MED12L: variants seen among roughly 807,000 people sequenced by gnomAD.
MED12L encodes the protein mediator of RNA polymerase II transcription subunit 12-like protein.
MED12L carries 60 observed loss-of-function variants against 281.3 expected under a neutral mutation model. The observed-to-expected ratio is 0.21, with a 90% CI of 0.17 to 0.26. The LOEUF (loss-of-function observed/expected upper bound fraction) is 0.26, where lower values mean the gene tolerates loss of function less well. MED12L is among the 10% of genes least tolerant of loss of function. The probability of loss-of-function intolerance (pLI) is 1.00; values close to 1 mark genes in which losing one functional copy is unlikely to be tolerated. For missense variants in MED12L, 2,146 were observed against 2,680.9 expected, an observed-to-expected ratio of 0.80 and a Z score of 4.41; for synonymous variants, 974 against 987.2, an observed-to-expected ratio of 0.99 and a Z score of 0.25.
chr3:151,269,198 C>T (rs1221589862), intron 16 of MED12L, among the ~76,000 whole-genome samples: 2 of 152,112 alleles, frequency 1.3e-5, no homozygotes, highest in African/African-American at 4.8e-5. Flanking sequence ...GTCGGGAGTT[C>T]GAGACCAGCC....
At chr3:151,342,730 G>T (rs1181718543) in intron 16 of MED12L, among the ~76,000 whole-genome samples, 1 of 152,054 alleles carries the variant, frequency 6.6e-6, no homozygotes. Flanking sequence ...TCTTGGAAAG[G>T]GTTGTATTGT....
At chr3:151,291,402 A>G (rs1021891416) in intron 16 of MED12L, among the ~76,000 whole-genome samples, 2 of 152,188 alleles carry the variant, frequency 1.3e-5, no homozygotes, top group African/African-American at 4.8e-5. Context: ...TTTAATGAAT[A>G]TAACAGTCAG....
intron 16 of MED12L, among the ~76,000 whole-genome samples, chr3:151,237,350 C>CTTTTTTTTTTTTTTTTT (rs57239604): frequency 1.1e-5 from 1 of 94,640 alleles, no homozygotes; most frequent in Non-Finnish European, 1.9e-5. Flanking sequence ...TTTTTTTTTT[C>CTTTTTTTTTTTTTTTTT]TTTTTTTTTT....
intron 16 of MED12L, among the ~76,000 whole-genome samples, chr3:151,279,084 ACTATT>A (rs1030908790): frequency 5.3e-5 from 8 of 152,278 alleles, no homozygotes; most frequent in African/African-American, 1.4e-4. Context: ...TTTCCCATTG[ACTATT>A]AGTGCCATTA....
intron 16 of MED12L, among the ~76,000 whole-genome samples, chr3:151,223,445 G>A (rs1044154202): frequency 5.9e-5 from 9 of 152,176 alleles, no homozygotes; most frequent in Non-Finnish European, 1.3e-4. Flanking sequence ...CAGCCTAGGT[G>A]CCTATCAATG....
intron 21 of MED12L, among the ~76,000 whole-genome samples, chr3:151,361,918 A>G (rs1754656881): frequency 6.6e-6 from 1 of 152,074 alleles, no homozygotes; most frequent in African/African-American, 2.4e-5. Context: ...ATGCTTATTT[A>G]ATGTTATTTT....
chr3:151,113,383 T>G (rs994293814), intron 2 of MED12L, among the ~76,000 whole-genome samples: 1 of 152,156 alleles, frequency 6.6e-6, no homozygotes, highest in African/African-American at 2.4e-5. Flanking sequence ...GTAATGGGGT[T>G]AAGATCACAC....
intron 11 of MED12L, among the ~76,000 whole-genome samples, chr3:151,180,131 G>A (rs1218171910): frequency 3.9e-5 from 6 of 152,158 alleles, no homozygotes; most frequent in Admixed American, 2.6e-4. Flanking sequence ...GAAAATTTTT[G>A]TGCTGAAATT....
intron 16 of MED12L, chr3:151,340,598 G>C (rs189767282): frequency 6.6e-5 from 10 of 152,564 alleles, no homozygotes; most frequent in Admixed American, 1.3e-4. Flanking sequence ...AACATTACCT[G>C]ATAACTGTTG....
intron 16 of MED12L, among the ~76,000 whole-genome samples, chr3:151,278,951 T>C (rs888394181): frequency 2.0e-5 from 3 of 152,264 alleles, no homozygotes; most frequent in African/African-American, 7.2e-5. Context: ...GGACTTCAGA[T>C]AAACTCCTCG....
chr3:151,136,976 A>G (rs1209416845), intron 5 of MED12L, among the ~76,000 whole-genome samples: 1 of 152,052 alleles, frequency 6.6e-6, no homozygotes, highest in Non-Finnish European at 1.5e-5. Flanking sequence ...ATCCTGGCCA[A>G]CATGGTGAAA....
intron 11 of MED12L, among the ~76,000 whole-genome samples, chr3:151,178,519 C>G (rs1422679128): frequency 6.6e-6 from 1 of 152,150 alleles, no homozygotes; most frequent in East Asian, 1.9e-4. Flanking sequence ...ATTGTGTACG[C>G]TGGAGGGAAG....
At chr3:151,401,600 GTAAATTTCC>G (rs1488319696) in intron 39 of MED12L, among the ~76,000 whole-genome samples, 1 of 151,944 alleles carries the variant, frequency 6.6e-6, no homozygotes, top group Non-Finnish European at 1.5e-5. Context: ...TTTCCCTTTT[GTAAATTTCC>G]TGATCATATA....
intron 16 of MED12L, among the ~76,000 whole-genome samples, chr3:151,332,473 A>C (rs1391336417): frequency 6.6e-6 from 1 of 152,204 alleles, no homozygotes; most frequent in African/African-American, 2.4e-5. Flanking sequence ...AATAAGTTAT[A>C]CTTTTTATTA....
chr3:151,199,497 A>G, intron 16 of MED12L: 9 of 931,630 alleles, frequency 9.7e-6, no homozygotes, highest in Admixed American at 2.5e-5. Context: ...TATTTTCTTT[A>G]AAAGACATTG....
chr3:151,231,715 A>T (rs1577050925), intron 16 of MED12L, among the ~76,000 whole-genome samples: 2 of 152,192 alleles, frequency 1.3e-5, no homozygotes, highest in East Asian at 3.8e-4. Flanking sequence ...TAGCCATACA[A>T]ATTGTTTTGA....
chr3:151,181,466 G>A (rs534348610), intron 11 of MED12L, among the ~76,000 whole-genome samples: 3 of 150,546 alleles, frequency 2.0e-5, no homozygotes, highest in Non-Finnish European at 4.4e-5. Context: ...GCCTAGGCTA[G>A]CCTCGAACTT....
chr3:151,311,475 G>A (rs1747507508), intron 16 of MED12L, among the ~76,000 whole-genome samples: 1 of 152,012 alleles, frequency 6.6e-6, no homozygotes, highest in Non-Finnish European at 1.5e-5. Flanking sequence ...CATTGATGTA[G>A]TAATTACCTT....
At chr3:151,206,934 G>A (rs955244466) in intron 16 of MED12L, among the ~76,000 whole-genome samples, 7 of 151,886 alleles carry the variant, frequency 4.6e-5, no homozygotes, top group South Asian at 2.1e-4. Flanking sequence ...GTGAGCCACC[G>A]TGCCCGGCCA....
Sources: gnomAD v4.1 joint callset for allele counts (sites outside exome capture counted in the v4.1 genomes callset) on GRCh38, gnomAD v4.1.1 for gene constraint, MANE v1.5 for transcripts, NCBI Gene and HGNC (gene_info 2026-07-23, HGNC 2026-07-21) for gene names.